AGBL1: variants seen among roughly 807,000 people sequenced by gnomAD.
AGBL1 encodes the protein AGBL carboxypeptidase 1, also known as cytosolic carboxypeptidase 4.
In AGBL1, 130 loss-of-function variants were observed where a neutral mutation model predicts 118.9. The ratio of observed to expected loss-of-function variants is 1.09; its 90% CI spans 0.95 to 1.26. AGBL1 has a LOEUF of 1.26. Among genes scored for constraint, AGBL1 ranks in the 50% most tolerant of loss-of-function variants. The pLI is 0.00. For missense variants in AGBL1, 1,584 were observed against 1,298.1 expected (o/e 1.22, Z -3.38); for synonymous variants, 555 against 478.9 (o/e 1.16, Z -2.08).
chr15:86,865,423 C>G (rs998278415), intron 22 of AGBL1, among the ~76,000 whole-genome samples: 3 of 152,194 alleles, frequency 2.0e-5, no homozygotes, highest in Non-Finnish European at 2.9e-5. Flanking sequence ...TTTGTTGAAA[C>G]TGAGCACTTC....
intron 18 of AGBL1, among the ~76,000 whole-genome samples, chr15:86,501,218 C>CT (rs749087662): frequency 6.6e-6 from 1 of 151,536 alleles, no homozygotes; most frequent in Non-Finnish European, 1.5e-5. Flanking sequence ...GAAATGGTAT[C>CT]TTTTTGTAAT....
At position 86,538,131 on chromosome 15, in the gene AGBL1, T is replaced by A. The variant is rs145088313; in HGVS notation, c.2686-7871T>A. On this transcript the variant is annotated intron_variant, in intron 19 of 22. Coordinates refer to ENST00000614907, the MANE Select transcript of AGBL1 (RefSeq NM_001386094.1). Reference sequence around the variant, plus strand: ...TTGGTTATTGATACATTCTATTGAGTTTAATGTGAAATTTTTCTCCCCAAA... The same window carrying A: ...TTGGTTATTGATACATTCTATTGAGATTAATGTGAAATTTTTCTCCCCAAA... 2.9e-3 allele frequency among the ~76,000 whole-genome samples: 438 copies of A among 152,156 alleles called. 4 individuals carry two copies. Among genetic ancestry groups the A allele is most frequent in the East Asian group, 4.6e-3 (24 of 5,174 alleles).
Position 86,080,278 on chromosome 15 carries a change from A to G in AGBL1, c.51+255A>G, listed in dbSNP as rs930270242. 13 of 342,374 alleles carry G rather than the reference A, an allele frequency of 3.8e-5. No individual in the cohort carries two copies. In the Admixed American group the frequency reaches 3.8e-4, roughly 10 times the overall value. 21.2% of individuals were successfully genotyped at this position (342,374 alleles called of 1,614,324 possible). ...TGGGATCAGAGGCTCTGGGTAAAAGATCCGAGTTTTCTAGAAATGGGAAAG... is the reference window on the plus strand; with the variant it reads ...TGGGATCAGAGGCTCTGGGTAAAAGGTCCGAGTTTTCTAGAAATGGGAAAG... On this transcript the variant is annotated intron_variant, in intron 1 of 22. Transcript: ENST00000614907.
intron 22 of AGBL1, among the ~76,000 whole-genome samples, chr15:86,750,388 C>T (rs541031902): frequency 3.9e-4 from 59 of 150,754 alleles, no homozygotes; most frequent in African/African-American, 1.2e-3. Context: ...TATTTTTCAG[C>T]GAAAAATAGA....
intron 22 of AGBL1, among the ~76,000 whole-genome samples, chr15:86,865,775 A>ATT (rs1173294084): frequency 2.0e-5 from 3 of 152,110 alleles, no homozygotes; most frequent in Non-Finnish European, 4.4e-5. Flanking sequence ...TCTGAAGTAA[A>ATT]TGGAGTCTAT....
At chr15:86,814,201 T>C (rs2078829626) in intron 22 of AGBL1, among the ~76,000 whole-genome samples, 1 of 152,156 alleles carries the variant, frequency 6.6e-6, no homozygotes, top group Non-Finnish European at 1.5e-5. Context: ...CACTGGAGTC[T>C]TGTAGGAGCA....
At chr15:86,720,862 T>C (rs985769558) in intron 22 of AGBL1, among the ~76,000 whole-genome samples, 2 of 152,176 alleles carry the variant, frequency 1.3e-5, no homozygotes, top group African/African-American at 4.8e-5. Flanking sequence ...CAGAGAATAC[T>C]ATGAACACCT....
intron 17 of AGBL1, among the ~76,000 whole-genome samples, chr15:86,338,960 A>G (rs1425457930): frequency 6.6e-6 from 1 of 152,182 alleles, no homozygotes; most frequent in African/African-American, 2.4e-5. Context: ...AGAGGGTTAC[A>G]AGTGTTCCTA....
At chr15:87,015,818 G>C (rs1044897846) in intron 24 of AGBL1, among the ~76,000 whole-genome samples, 1 of 152,106 alleles carries the variant, frequency 6.6e-6, no homozygotes, top group Non-Finnish European at 1.5e-5. Flanking sequence ...GTAATTTTTA[G>C]ACACTTATGG....
Position 86,410,811 on chromosome 15 carries a change from T to G in AGBL1, c.2555+13265T>G, listed in dbSNP as rs1249203616. On this transcript the variant is annotated intron_variant, in intron 18 of 22. Coordinates refer to ENST00000614907, the MANE Select transcript of AGBL1 (RefSeq NM_001386094.1). ...GAAGAGACAAGGTCAAATGTAGATA[T>G]ATATATATATATATATATATATATA... Among the ~76,000 whole-genome samples, 55 of 80,694 alleles carry G rather than the reference T, an allele frequency of 6.8e-4. 1 individual carries two copies. The highest frequency in any genetic ancestry group is 2.6e-3 in the East Asian group (8 of 3,114). 52.9% of individuals were successfully genotyped at this position (80,694 alleles called of 152,430 possible). A position where few individuals can be genotyped will look rare whatever the true frequency, so the allele number is the denominator to read the frequency against.
intron 1 of AGBL1, among the ~76,000 whole-genome samples, chr15:86,102,677 A>G (rs1190015245): frequency 1.3e-5 from 2 of 152,204 alleles, no homozygotes; most frequent in African/African-American, 4.8e-5. Flanking sequence ...GTTCCCTCAT[A>G]AGTGACTAGA....
chr15:86,535,141 GAA>G lies in AGBL1; in HGVS notation c.2686-10858_2686-10857del, dbSNP rs543720808. The stretch of plus-strand genomic sequence containing the variant: ...CTAGCATACAGGCATGTGAGCCAAG[GAA>G]AACAGTTTTCCCAGGAAAGAGCAGA... On this transcript the variant is annotated intron_variant, in intron 19 of 22. Coordinates refer to ENST00000614907, the MANE Select transcript of AGBL1 (RefSeq NM_001386094.1). Among the ~76,000 whole-genome samples, 6 of 152,332 alleles carry G rather than the reference GAA, an allele frequency of 3.9e-5. No homozygotes were observed. The East Asian group carries it at 1.2e-3, about 29-fold the overall frequency.
At chr15:86,471,738 A>C (rs9920671) in intron 18 of AGBL1, among the ~76,000 whole-genome samples, 1 of 151,944 alleles carries the variant, frequency 6.6e-6, no homozygotes, top group African/African-American at 2.4e-5. Flanking sequence ...ATGTGCACTA[A>C]TGTGAAAAAT....
At chr15:86,789,943 C>A (rs746189411) in intron 22 of AGBL1, among the ~76,000 whole-genome samples, 3 of 152,092 alleles carry the variant, frequency 2.0e-5, no homozygotes, top group Non-Finnish European at 4.4e-5. Flanking sequence ...GAAACTCCAC[C>A]GTCAGTAACA....
intron 18 of AGBL1, among the ~76,000 whole-genome samples, chr15:86,412,898 A>T (rs1170058704): frequency 6.6e-6 from 1 of 152,214 alleles, no homozygotes; most frequent in African/African-American, 2.4e-5. Context: ...TTTAATTCTC[A>T]CACAACCCTC....
chr15:86,087,944 G>A (rs1393371336), intron 1 of AGBL1, among the ~76,000 whole-genome samples: 1 of 152,218 alleles, frequency 6.6e-6, no homozygotes, highest in Non-Finnish European at 1.5e-5. Context: ...AGGCTGGAAG[G>A]ACTGGCCAAA....
intron 18 of AGBL1, among the ~76,000 whole-genome samples, chr15:86,417,145 G>A (rs528011502): frequency 6.6e-5 from 10 of 152,314 alleles, no homozygotes; most frequent in African/African-American, 1.9e-4. Context: ...TCTGTAGTGT[G>A]TGAACTTATT....
intron 1 of AGBL1, among the ~76,000 whole-genome samples, chr15:86,129,762 A>G (rs1450127214): frequency 6.6e-6 from 1 of 152,184 alleles, no homozygotes; most frequent in South Asian, 2.1e-4. Flanking sequence ...CAAAATACCA[A>G]TAGTGCTGAG....
chr15:86,730,168 A>C (rs2077508594), intron 22 of AGBL1, among the ~76,000 whole-genome samples: 1 of 152,228 alleles, frequency 6.6e-6, no homozygotes, highest in African/African-American at 2.4e-5. Flanking sequence ...TCGAATTATG[A>C]AATCTTATAA....
Sources: gnomAD v4.1 joint callset for allele counts (sites outside exome capture counted in the v4.1 genomes callset) on GRCh38, gnomAD v4.1.1 for gene constraint, MANE v1.5 for transcripts, NCBI Gene and HGNC (gene_info 2026-07-23, HGNC 2026-07-21) for gene names.